Variants in HEMK2 observed in about 807,000 individuals in gnomAD.
The protein encoded by HEMK2 is methyltransferase HEMK2.
the HEMK2 span, among the ~76,000 whole-genome samples, chr21:28,834,842 G>A: frequency 5.9e-5 from 9 of 152,150 alleles, no homozygotes; most frequent in South Asian, 1.0e-3. Context: ...CAGTTCGCAC[G>A]GGAGCTGGGT....
the HEMK2 span, among the ~76,000 whole-genome samples, chr21:28,832,888 A>G: frequency 1.3e-5 from 2 of 152,240 alleles, no homozygotes; most frequent in African/African-American, 2.4e-5. Flanking sequence ...AGTAACACCC[A>G]TGCACTAGGT....
the HEMK2 span, among the ~76,000 whole-genome samples, chr21:28,833,784 G>T: frequency 2.6e-5 from 4 of 152,146 alleles, no homozygotes; most frequent in African/African-American, 9.7e-5. Context: ...CACTACATTT[G>T]CAGTGAGTCA....
At chr21:28,718,750 A>G in the HEMK2 span, among the ~76,000 whole-genome samples, 1 of 152,206 alleles carries the variant, frequency 6.6e-6, no homozygotes, top group African/African-American at 2.4e-5. Flanking sequence ...TATTTACAAC[A>G]TATACATATA....
the HEMK2 span, among the ~76,000 whole-genome samples, chr21:28,598,342 T>A: frequency 3.3e-5 from 5 of 152,200 alleles, no homozygotes; most frequent in Admixed American, 6.5e-5. Context: ...ATGTTTTGCT[T>A]TGAGGTGCTG....
chr21:28,638,797 T>C, the HEMK2 span, among the ~76,000 whole-genome samples: 1 of 152,148 alleles, frequency 6.6e-6, no homozygotes, highest in Non-Finnish European at 1.5e-5. Context: ...TTCCACCACA[T>C]GGCCTCATAT....
chr21:28,664,165 A>C, the HEMK2 span, among the ~76,000 whole-genome samples: 2 of 152,050 alleles, frequency 1.3e-5, no homozygotes, highest in Non-Finnish European at 2.9e-5. Flanking sequence ...TGATTCTTTC[A>C]TTTGTTTGAG....
chr21:28,821,457 ATACT>A, the HEMK2 span, among the ~76,000 whole-genome samples: 1 of 152,210 alleles, frequency 6.6e-6, no homozygotes, highest in Non-Finnish European at 1.5e-5. Context: ...CTTTCAATAG[ATACT>A]TAGTAAATTC....
At chr21:28,790,929 A>G in the HEMK2 span, among the ~76,000 whole-genome samples, 1 of 151,756 alleles carries the variant, frequency 6.6e-6, no homozygotes, top group Admixed American at 6.6e-5. Flanking sequence ...ACATTTATAC[A>G]TATGTAACTA....
chr21:28,625,607 A>G, the HEMK2 span, among the ~76,000 whole-genome samples: 25 of 152,132 alleles, frequency 1.6e-4, no homozygotes, highest in African/African-American at 5.8e-4. Flanking sequence ...GCTACTCCAG[A>G]GGCTGAGGCA....
the HEMK2 span, among the ~76,000 whole-genome samples, chr21:28,690,479 C>A: frequency 1.1e-4 from 17 of 152,288 alleles, no homozygotes; most frequent in East Asian, 3.3e-3. Context: ...GACTTCTGAC[C>A]TACAGAACCA....
At chr21:28,817,794 A>C in the HEMK2 span, among the ~76,000 whole-genome samples, 3 of 152,180 alleles carry the variant, frequency 2.0e-5, no homozygotes, top group South Asian at 6.2e-4. Flanking sequence ...TGCAGTAATC[A>C]AAAACACAGA....
At chr21:28,639,812 C>T in the HEMK2 span, among the ~76,000 whole-genome samples, 1 of 152,176 alleles carries the variant, frequency 6.6e-6, no homozygotes, top group Non-Finnish European at 1.5e-5. Context: ...CACATTATTT[C>T]TTGGGATTCA....
At chr21:28,728,463 G>A in the HEMK2 span, among the ~76,000 whole-genome samples, 1 of 151,042 alleles carries the variant, frequency 6.6e-6, no homozygotes, top group Non-Finnish European at 1.5e-5. Flanking sequence ...TATTCAAGTG[G>A]TTATGTTTGC....
the HEMK2 span, among the ~76,000 whole-genome samples, chr21:28,774,778 G>A: frequency 6.6e-6 from 1 of 152,082 alleles, no homozygotes; most frequent in Non-Finnish European, 1.5e-5. Flanking sequence ...GAATACGTAA[G>A]TATTATTTCT....
At chr21:28,687,330 G>A in the HEMK2 span, among the ~76,000 whole-genome samples, 57 of 152,276 alleles carry the variant, frequency 3.7e-4, no homozygotes, top group African/African-American at 1.2e-3. Flanking sequence ...TGGACACACC[G>A]TCTCTTTGGA....
the HEMK2 span, among the ~76,000 whole-genome samples, chr21:28,601,186 G>A: frequency 2.6e-5 from 4 of 152,154 alleles, no homozygotes; most frequent in African/African-American, 9.7e-5. Flanking sequence ...TCAGCAGCAA[G>A]AGGGATCCTG....
At chr21:28,684,674 T>G in the HEMK2 span, among the ~76,000 whole-genome samples, 3 of 152,120 alleles carry the variant, frequency 2.0e-5, no homozygotes, top group East Asian at 5.8e-4. Context: ...AGAATTATGA[T>G]CCAAACCTGA....
chr21:28,758,580 G>A, the HEMK2 span, among the ~76,000 whole-genome samples: 1 of 152,148 alleles, frequency 6.6e-6, no homozygotes, highest in African/African-American at 2.4e-5. Flanking sequence ...ACTAAGTTAG[G>A]AAGGGCAACG....
the HEMK2 span, among the ~76,000 whole-genome samples, chr21:28,853,098 A>T: frequency 2.6e-4 from 40 of 152,230 alleles, no homozygotes; most frequent in Admixed American, 2.5e-3. Flanking sequence ...CACCCTCACA[A>T]ATCTATTTCA....
Sources: allele counts gnomAD v4.1 joint callset (sites outside exome capture counted in the v4.1 genomes callset), GRCh38; gene constraint gnomAD v4.1.1; transcripts MANE v1.5; gene names NCBI Gene and HGNC (gene_info 2026-07-23, HGNC 2026-07-21).